MAP3K1: variants seen among roughly 807,000 people sequenced by gnomAD.
MAP3K1 encodes the protein MAP/ERK kinase kinase 1.
MAP3K1 carries 36 observed loss-of-function variants against 144.2 expected under a neutral mutation model. The ratio of observed to expected loss-of-function variants is 0.25; its 90% CI spans 0.19 to 0.33. The LOEUF (loss-of-function observed/expected upper bound fraction) is 0.33, where lower values mean the gene tolerates loss of function less well. MAP3K1 is among the 10% of genes least tolerant of loss of function. The pLI, the probability that MAP3K1 is intolerant of heterozygous loss-of-function variation, is 1.00. For missense variants in MAP3K1, 1,650 were observed against 1,881.9 expected (o/e 0.88, Z 2.28); for synonymous variants, 718 against 688.7 (o/e 1.04, Z -0.67).
At chr5:56,887,293 C>G in intron 17 of MAP3K1, 85 bp from the exon 18 acceptor site, 2 of 1,260,246 alleles carry the variant, frequency 1.6e-6, no homozygotes, top group Non-Finnish European at 2.3e-6. Context: ...TGTCATTGTC[C>G]TAGTTCATTA....
intron 1 of MAP3K1, among the ~76,000 whole-genome samples, chr5:56,829,813 T>C (rs1746433935): frequency 6.6e-6 from 1 of 152,176 alleles, no homozygotes; most frequent in Admixed American, 6.5e-5. Context: ...TAGGTTTTGT[T>C]ACCAGTAAAT....
chr5:56,878,382 A>G (rs114931008), intron 10 of MAP3K1, among the ~76,000 whole-genome samples: 2,183 of 152,206 alleles, frequency 0.014, 19 homozygotes, highest in Non-Finnish European at 0.024. Flanking sequence ...GCAAACCACC[A>G]TGGCATGTGT....
At position 56,895,203 on chromosome 5, in the gene MAP3K1, A is replaced by T. The variant is rs1748667868; in HGVS notation, c.*1523A>T. On this transcript the variant is annotated 3_prime_UTR_variant, in exon 20 of 20. Transcript: ENST00000399503. The stretch of plus-strand genomic sequence containing the variant: ...AAGTTTACAGGGATATATTGCTTAC[A>T]ATTTTTAAAAGGCAGTTTGTTTTTT... 4.3e-6 allele frequency: 1 copy of T among 231,974 alleles called. No homozygotes were observed. The allele number at this position is 231,974 out of a possible 1,614,324, so 14.4% of individuals were successfully genotyped here.
At chr5:56,891,898 CTG>C (rs1042242821) in intron 19 of MAP3K1, among the ~76,000 whole-genome samples, 3 of 152,140 alleles carry the variant, frequency 2.0e-5, no homozygotes, top group African/African-American at 7.2e-5. Flanking sequence ...GTCTATATCT[CTG>C]TTTTGGCACC....
chr5:56,837,990 T>C (rs1333222639), intron 1 of MAP3K1, among the ~76,000 whole-genome samples: 1 of 152,186 alleles, frequency 6.6e-6, no homozygotes, highest in East Asian at 1.9e-4. Flanking sequence ...CACCAGGAAA[T>C]ATGCCTAAGG....
intron 7 of MAP3K1, 36 bp downstream of exon 7, chr5:56,872,067 A>G (rs1747870126): frequency 6.2e-7 from 1 of 1,613,374 alleles, no homozygotes; most frequent in Non-Finnish European, 8.5e-7. Context: ...CTTACTCAAC[A>G]CAGTTGCTCT....
intron 9 of MAP3K1, among the ~76,000 whole-genome samples, chr5:56,874,208 C>G (rs1334330573): frequency 6.6e-6 from 1 of 152,116 alleles, no homozygotes; most frequent in African/African-American, 2.4e-5. Context: ...ATGTTATGAT[C>G]TGTTTTTCAA....
intron 1 of MAP3K1, among the ~76,000 whole-genome samples, chr5:56,836,216 C>T (rs1438412185): frequency 1.3e-5 from 2 of 152,192 alleles, no homozygotes; most frequent in Admixed American, 1.3e-4. Flanking sequence ...CCGTCCAAGC[C>T]CTCTGAGTGG....
chr5:56,887,950 T>G, intron 18 of MAP3K1: 1 of 503,600 alleles, frequency 2.0e-6, no homozygotes, highest in Non-Finnish European at 3.6e-6. Context: ...CATGTTCATA[T>G]GTAGTAATGA....
At chr5:56,854,432 CAAAAAAAAAAAAA>C (rs10647091) in intron 1 of MAP3K1, among the ~76,000 whole-genome samples, 1 of 85,324 alleles carries the variant, frequency 1.2e-5, no homozygotes, top group African/African-American at 5.0e-5. Context: ...AACTCCATCT[CAAAAAAAAAAAAA>C]AAAAAGAAAG....
chr5:56,818,304 G>GA (rs1001561464), intron 1 of MAP3K1, among the ~76,000 whole-genome samples: 20 of 150,876 alleles, frequency 1.3e-4, no homozygotes, highest in Non-Finnish European at 2.1e-4. Flanking sequence ...AAAGTTTTAG[G>GA]AAAAAAAACC....
chr5:56,836,818 A>G (rs1746669234), intron 1 of MAP3K1, among the ~76,000 whole-genome samples: 1 of 152,178 alleles, frequency 6.6e-6, no homozygotes, highest in Non-Finnish European at 1.5e-5. Context: ...CTGTCATCCT[A>G]GTAATGCTTA....
At chr5:56,853,135 G>T (rs2111851811) in intron 1 of MAP3K1, among the ~76,000 whole-genome samples, 1 of 152,222 alleles carries the variant, frequency 6.6e-6, no homozygotes, top group South Asian at 2.1e-4. Flanking sequence ...GTTGTAAGTT[G>T]TACCATTATT....
At position 56,816,070 on chromosome 5, in the gene MAP3K1, C is replaced by A. The variant is rs1745944177; in HGVS notation, c.482+15C>A. On this transcript the variant is annotated intron_variant, in intron 1 of 19. Coordinates refer to ENST00000399503, the MANE Select transcript of MAP3K1 (RefSeq NM_005921.2). ...GCCCCCGCCGGGTGAGCAGCACGGC[C>A]GGGGTCGCGGCGGGGACTTGGAGAG... The A allele has an allele frequency of 8.3e-7, 1 of 1,210,380 alleles. No individual in the cohort carries two copies. The highest frequency in any genetic ancestry group is 1.0e-6 in the Non-Finnish European group (1 of 974,966). The allele number at this position is 1,210,380 out of a possible 1,614,324, so 75.0% of individuals were successfully genotyped here.
At chr5:56,891,469 T>G (rs1368631056) in intron 19 of MAP3K1, among the ~76,000 whole-genome samples, 4 of 152,176 alleles carry the variant, frequency 2.6e-5, no homozygotes, top group Non-Finnish European at 5.9e-5. Flanking sequence ...TTGCAAAAAT[T>G]TTCTCCCATT....
chr5:56,867,493 A>G (rs1174369208), intron 6 of MAP3K1, among the ~76,000 whole-genome samples: 1 of 152,224 alleles, frequency 6.6e-6, no homozygotes, highest in Non-Finnish European at 1.5e-5. Flanking sequence ...AAGGGCATAA[A>G]GAGAATATCC....
intron 1 of MAP3K1, among the ~76,000 whole-genome samples, chr5:56,855,161 T>C (rs1251332939): frequency 6.6e-6 from 1 of 151,774 alleles, no homozygotes; most frequent in Non-Finnish European, 1.5e-5. Flanking sequence ...TCTTCCCTTC[T>C]CTCCATCCCC....
At chr5:56,847,992 G>T (rs1216076533) in intron 1 of MAP3K1, among the ~76,000 whole-genome samples, 1 of 152,086 alleles carries the variant, frequency 6.6e-6, no homozygotes, top group Non-Finnish European at 1.5e-5. Context: ...AGAACATTTA[G>T]TATAGGAGAA....
chr5:56,868,946 C>G (rs1340704368), intron 6 of MAP3K1, among the ~76,000 whole-genome samples: 1 of 151,956 alleles, frequency 6.6e-6, no homozygotes, highest in East Asian at 1.9e-4. Flanking sequence ...GCAAAATAAG[C>G]CAGTCACAAA....
Sources: gnomAD v4.1 joint callset for allele counts (sites outside exome capture counted in the v4.1 genomes callset) on GRCh38, gnomAD v4.1.1 for gene constraint, MANE v1.5 for transcripts, NCBI Gene and HGNC (gene_info 2026-07-23, HGNC 2026-07-21) for gene names.